Variants in DNAI7 observed in about 807,000 individuals in gnomAD.
DNAI7 encodes cancer susceptibility 1.
A neutral mutation model predicts 86.6 loss-of-function variants in DNAI7; 78 were observed. The observed-to-expected ratio is 0.90, with a 90% CI of 0.75 to 1.09. The LOEUF is 1.09. Among genes scored for constraint, DNAI7 ranks in the 50% least tolerant of loss-of-function variants. The pLI is 0.00. For synonymous variants in DNAI7, 274 were observed against 273.0 expected (o/e 1.00, Z -0.04); for missense variants, 753 against 810.2 (o/e 0.93, Z 0.86).
At chr12:25,179,033 A>G (rs1420718865) in intron 2 of DNAI7, among the ~76,000 whole-genome samples, 1 of 152,006 alleles carries the variant, frequency 6.6e-6, no homozygotes, top group African/African-American at 2.4e-5. Flanking sequence ...TTAGGTCTAC[A>G]TATTTCCCTC....
intron 8 of DNAI7, among the ~76,000 whole-genome samples, chr12:25,145,578 A>T (rs1266741390): frequency 6.6e-6 from 1 of 152,198 alleles, no homozygotes; most frequent in Non-Finnish European, 1.5e-5. Context: ...TTAGATGTAA[A>T]CCAAAAAGTT....
intron 12 of DNAI7, among the ~76,000 whole-genome samples, chr12:25,116,886 T>C (rs1328697427): frequency 2.0e-5 from 3 of 152,214 alleles, no homozygotes; most frequent in South Asian, 2.1e-4. Context: ...CAGTTGTTCA[T>C]GTTGATGTAT....
intron 9 of DNAI7, among the ~76,000 whole-genome samples, chr12:25,139,807 C>G (rs1943975155): frequency 6.6e-6 from 1 of 152,086 alleles, no homozygotes; most frequent in Non-Finnish European, 1.5e-5. Flanking sequence ...TGCAACAAAC[C>G]TGCACGTTCT....
rs369813269 is a variant in DNAI7, at chr12:25,166,287, C to T, written c.22-5090G>A. On this transcript the variant is annotated intron_variant, in intron 2 of 15. Coordinates refer to ENST00000395987, the MANE Select transcript of DNAI7 (RefSeq NM_018272.5). Reference sequence around the variant, plus strand: ...GGTTTACAGGTTAGTTCAGGATCTGCGCCTTATCAACCAAATTGTTTTGCC... The same window carrying T: ...GGTTTACAGGTTAGTTCAGGATCTGTGCCTTATCAACCAAATTGTTTTGCC... 1.6e-4 allele frequency among the ~76,000 whole-genome samples: 24 copies of T among 152,276 alleles called. No individual in the cohort carries two copies. In the East Asian group the frequency reaches 4.2e-3, roughly 27 times the overall value.
Position 25,190,639 on chromosome 12 carries a change from T to G in DNAI7, c.4-8A>C, listed in dbSNP as rs779085673. The G allele has an allele frequency of 9.2e-6, 13 of 1,408,014 alleles. No homozygotes were observed. Among genetic ancestry groups the G allele is most frequent in the Non-Finnish European group, 3.9e-6 (4 of 1,031,384 alleles). 87.2% of individuals were successfully genotyped at this position (1,408,014 alleles called of 1,614,324 possible). ...CTTTTTTGCTTTGGGACCCTAAAAG[T>G]TGGAAAACAAAAGAATTGATCAATT... is the stretch of plus-strand genomic sequence containing the variant. On this transcript the variant is annotated splice_polypyrimidine_tract_variant and splice_region_variant and intron_variant, in intron 1 of 15. Coordinates refer to ENST00000395987, the MANE Select transcript of DNAI7 (RefSeq NM_018272.5).
At chr12:25,140,970 C>T (rs1211965692) in intron 9 of DNAI7, among the ~76,000 whole-genome samples, 6 of 152,072 alleles carry the variant, frequency 3.9e-5, no homozygotes, top group Non-Finnish European at 7.4e-5. Flanking sequence ...GAAAGGACAC[C>T]CGATTCAACA....
chr12:25,149,903 A>G, intron 6 of DNAI7, 129 bp from the exon 7 acceptor site: 1 of 560,384 alleles, frequency 1.8e-6, no homozygotes. Context: ...CCTTTCCTGT[A>G]TTTATTCTGT....
intron 12 of DNAI7, among the ~76,000 whole-genome samples, chr12:25,115,884 C>T (rs1293156850): frequency 6.6e-6 from 1 of 152,182 alleles, no homozygotes; most frequent in African/African-American, 2.4e-5. Flanking sequence ...TTTGAGGGAC[C>T]TGTTCAACAT....
At chr12:25,139,554 T>C (rs555861032) in intron 9 of DNAI7, among the ~76,000 whole-genome samples, 1 of 152,284 alleles carries the variant, frequency 6.6e-6, no homozygotes, top group Non-Finnish European at 1.5e-5. Context: ...GCAGGGGACA[T>C]GGATGAAGCT....
chr12:25,110,771 T>C (rs1938651599), intron 14 of DNAI7, among the ~76,000 whole-genome samples: 1 of 152,222 alleles, frequency 6.6e-6, no homozygotes, highest in South Asian at 2.1e-4. Flanking sequence ...TTTTTTTCCA[T>C]AGCACTTTTC....
chr12:25,144,728 G>T, intron 8 of DNAI7, 51 bp from the exon 9 acceptor site: 1 of 1,385,846 alleles, frequency 7.2e-7, no homozygotes, highest in Non-Finnish European at 9.9e-7. Flanking sequence ...GGAAACTCTA[G>T]ATCTGTGTCA....
At chr12:25,135,181 C>G (rs950019757) in intron 9 of DNAI7, among the ~76,000 whole-genome samples, 3 of 152,170 alleles carry the variant, frequency 2.0e-5, no homozygotes, top group Non-Finnish European at 4.4e-5. Context: ...TAATCTGCCT[C>G]CAAACACACA....
At chr12:25,172,734 G>A (rs1288655810) in intron 2 of DNAI7, among the ~76,000 whole-genome samples, 1 of 152,022 alleles carries the variant, frequency 6.6e-6, no homozygotes, top group Non-Finnish European at 1.5e-5. Context: ...AAAACAGTGT[G>A]GTACTGGTAT....
chr12:25,108,207 C>A, downstream of DNAI7: 1 of 845,790 alleles, frequency 1.2e-6, no homozygotes, highest in Non-Finnish European at 1.8e-6. Flanking sequence ...CTCTTTTTGC[C>A]TTTATCTCCC....
At chr12:25,156,540 G>A (rs1946195865) in intron 4 of DNAI7, among the ~76,000 whole-genome samples, 1 of 152,054 alleles carries the variant, frequency 6.6e-6, no homozygotes, top group Non-Finnish European at 1.5e-5. Context: ...GGATCACAAG[G>A]TCAGGAGAGT....
chr12:25,108,534 T>C lies in DNAI7; in HGVS notation c.*14A>G, dbSNP rs773152757. The C allele has an allele frequency of 6.2e-7, 1 of 1,602,992 alleles. No individual in the cohort carries two copies. The highest frequency in any genetic ancestry group is 1.7e-5 in the Admixed American group (1 of 59,434). On this transcript the variant is annotated 3_prime_UTR_variant, in exon 16 of 16. Coordinates refer to ENST00000395987, the MANE Select transcript of DNAI7 (RefSeq NM_018272.5). Reference sequence around the variant, plus strand: ...TTGGTTCTTCATACTTACAATACAGTTTGTAAGTGGAGGTTAGGAGTAGCT... The same window carrying C: ...TTGGTTCTTCATACTTACAATACAGCTTGTAAGTGGAGGTTAGGAGTAGCT...
In DNAI7 at chr12:25,161,114, T is replaced by A. The variant is rs781432275; in HGVS notation, c.105A>T (p.Glu35Asp). The A allele has an allele frequency of 1.2e-6, 2 of 1,611,610 alleles. No individual in the cohort carries two copies. The highest frequency in any genetic ancestry group is 1.7e-6 in the Non-Finnish European group (2 of 1,177,884). The change falls in exon 3 of 16, where the codon GAA becomes GAT. Residue 35 changes from glutamate (E) to aspartate (D), a missense_variant and splice_region_variant. Coordinates refer to ENST00000395987, the MANE Select transcript of DNAI7 (RefSeq NM_018272.5). ...QEEEERRLKE[E>D]EEARLKYEKE... The stretch of plus-strand genomic sequence containing the variant: ...ATAGTATCACTATTTATTTTGTACC[T>A]TCCTCTTTCAGTCGTCTCTCCTCCT...
At position 25,114,773 on chromosome 12, in the gene DNAI7, CA is replaced by C. The variant is rs765492745; in HGVS notation, c.1493del (p.Leu498Ter). 7 of 1,614,008 alleles carry C rather than the reference CA, an allele frequency of 4.3e-6. No individual in the cohort carries two copies. The South Asian group carries it at 7.7e-5, about 18-fold the overall frequency. On this transcript the variant is annotated frameshift_variant, in exon 13 of 16. Transcript: ENST00000395987. LOFTEE classifies it high-confidence loss of function. Reference sequence around the variant, plus strand: ...GCATGTTAATATGAGCATCTTGAATCAAGGTAACAGGGCCAAAGGTGTCCAG... The same window carrying C: ...GCATGTTAATATGAGCATCTTGAATCAGGTAACAGGGCCAAAGGTGTCCAG... ...FSLDTFGPVT[L>X]IQDAHINMPY... is the part of the protein sequence containing the mutation.
At chr12:25,191,968 TTAG>T (rs922759256) in intron 1 of DNAI7, among the ~76,000 whole-genome samples, 1 of 152,200 alleles carries the variant, frequency 6.6e-6, no homozygotes, top group Non-Finnish European at 1.5e-5. Context: ...ATGGGAAATA[TTAG>T]TTCAACCCAT....
Sources: gnomAD v4.1 joint callset for allele counts (sites outside exome capture counted in the v4.1 genomes callset) on GRCh38, gnomAD v4.1.1 for gene constraint, MANE v1.5 for transcripts, NCBI Gene and HGNC (gene_info 2026-07-23, HGNC 2026-07-21) for gene names.